OBSL1: variants seen among roughly 807,000 people sequenced by gnomAD.
OBSL1 encodes the protein obscurin like cytoskeletal adaptor 1.
Under a neutral mutation model 172.0 loss-of-function variants are expected in OBSL1, and 160 were observed. The observed-to-expected ratio is 0.93, with a 90% CI of 0.82 to 1.06. OBSL1 has a LOEUF of 1.06. Ranked by LOEUF, OBSL1 falls within the 50% of genes least tolerant of loss-of-function variation. OBSL1 has a pLI of 0.00. For synonymous variants in OBSL1, 1,200 were observed against 1,196.3 expected (o/e 1.00, Z -0.06); for missense variants, 2,681 against 2,715.4 (o/e 0.99, Z 0.28).
intron 1 of OBSL1, chr2:219,569,245 C>T (rs1304576762): frequency 6.6e-6 from 1 of 152,170 alleles, no homozygotes; most frequent in East Asian, 1.9e-4. Flanking sequence ...TCAGCACCAA[C>T]CTGATGAATC....
chr2:219,558,205 T>C lies in OBSL1; in HGVS notation c.3481A>G (p.Thr1161Ala), dbSNP rs1356712302. The C allele has an allele frequency of 6.2e-7, 1 of 1,608,370 alleles. No homozygotes were observed. Among genetic ancestry groups the C allele is most frequent in the East Asian group, 2.2e-5 (1 of 44,710 alleles). ...CCACCAGCCAGGATGACATTGAAGG[T>C]GATGGCCTCATGCCGGGTCTCACAC... is the stretch of plus-strand genomic sequence containing the variant. ...YVCETRHEAI[T>A]FNVILAEPPV... The change falls in exon 10 of 21, where the codon ACC (threonine) becomes GCC (alanine). Residue 1161 changes from threonine (T) to alanine (A), a missense_variant. Transcript: ENST00000404537.
At position 219,551,629 on chromosome 2, in the gene OBSL1, G is replaced by T. The variant is rs1334725292; in HGVS notation, c.5583C>A (p.Pro1861=). 4 of 1,611,634 alleles carry T rather than the reference G, an allele frequency of 2.5e-6. No individual in the cohort carries two copies. Among genetic ancestry groups the T allele is most frequent in the Non-Finnish European group, 3.4e-6 (4 of 1,179,040 alleles). The part of the protein sequence containing the change: ...GDKYEMRSHG[P]THSLVIHDVR... ...CGTCATGGATGACCAGGCTGTGGGT[G>T]GGGCCGTGGCTGCGCATCTCATACT... Residue 1861 remains proline, a synonymous_variant, in exon 20 of 21, where the codon CCC becomes CCA. Transcript: ENST00000404537.
rs761630345 is a variant in OBSL1, at chr2:219,558,225, T to C, written c.3461A>G (p.Glu1154Gly). The change falls in exon 10 of 21, where the codon GAG (glutamate) becomes GGG (glycine). Residue 1154 changes from glutamate to glycine, a missense_variant. Glu to Gly is a moderately conservative substitution (Grantham distance 98, BLOSUM62 -2). This residue lies in a region of OBSL1 where 1,765 missense variants were observed against 1,748.3 expected (regional missense o/e 1.01). Coordinates refer to ENST00000404537, the MANE Select transcript of OBSL1 (RefSeq NM_015311.3). ...GAAGGTGATGGCCTCATGCCGGGTC[T>C]CACACACATACTCCCCGGCGTCCTC... Reference protein sequence around the residue: ...QPEDAGEYVCETRHEAITFNV... With the variant: ...QPEDAGEYVCGTRHEAITFNV... 6.2e-7 allele frequency: 1 copy of C among 1,610,074 alleles called. No homozygotes were observed. The highest frequency in any genetic ancestry group is 8.5e-7 in the Non-Finnish European group (1 of 1,177,220).
rs199707413 is a variant in OBSL1, at chr2:219,553,620, A to G, written c.4943T>C (p.Phe1648Ser). ...LEVTEGDTAT[F>S]ECELSQALAD... Reference sequence around the variant, plus strand: ...CAAAGCTTGGGAAAGCTCGCACTCGAACGTAGCTGTGTCGCCCTCGGTCAC... The same window carrying G: ...CAAAGCTTGGGAAAGCTCGCACTCGGACGTAGCTGTGTCGCCCTCGGTCAC... The change falls in exon 16 of 21, where the codon TTC becomes TCC. Residue 1648 changes from phenylalanine to serine, a missense_variant. Around this residue, in one of 5 missense-constraint regions of OBSL1, gnomAD observed 1,765 missense variants for 1,748.3 expected, o/e 1.01. Coordinates refer to ENST00000404537, the MANE Select transcript of OBSL1 (RefSeq NM_015311.3). 5.6e-6 allele frequency: 9 copies of G among 1,613,842 alleles called. No individual in the cohort carries two copies. The African/African-American group carries it at 1.2e-4, about 22-fold the overall frequency.
At chr2:219,547,801 G>T (rs772421709), downstream of OBSL1, 1 of 1,591,812 alleles carries the variant, frequency 6.3e-7, no homozygotes, top group South Asian at 1.1e-5. Flanking sequence ...GGCTGTTGCT[G>T]GGGGGCGGCC....
chr2:219,568,998 C>T lies in OBSL1; in HGVS notation c.1013-674G>A, dbSNP rs916457502. On this transcript the variant is annotated intron_variant, in intron 1 of 20. Coordinates refer to ENST00000404537, the MANE Select transcript of OBSL1 (RefSeq NM_015311.3). This position sits in a 1 kb window ranked among gnomAD's most constrained non-coding sequence, Gnocchi z 4.1. The stretch of plus-strand genomic sequence containing the variant: ...TCCTGACCTCAAATGATCCGCCCAC[C>T]TTAGTCTCCCAAAGTGCTGGGATTA... 6.6e-6 allele frequency among the ~76,000 whole-genome samples: 1 copy of T among 151,664 alleles called. No homozygotes were observed. Among genetic ancestry groups the T allele is most frequent in the Admixed American group, 6.6e-5 (1 of 15,246 alleles).
Position 219,557,925 on chromosome 2 carries a change from G to A in OBSL1, c.3688C>T (p.Leu1230Phe), listed in dbSNP as rs1326852158. The change falls in exon 11 of 21, where the codon CTC (leucine) becomes TTC (phenylalanine). Residue 1230 changes from leucine to phenylalanine, a missense_variant. By Grantham distance (22) the Leu-to-Phe change is conservative (BLOSUM62 0). Coordinates refer to ENST00000404537, the MANE Select transcript of OBSL1 (RefSeq NM_015311.3). ...GCTGGGCCTGCAGCCTGGATGCAGA[G>A]GACTCGGCGGGGGCCCTCGGCATGG... ...ELHAEGPRRVLCIQAAGPAHA... is the reference protein window; with the variant it reads ...ELHAEGPRRVFCIQAAGPAHA... 6.2e-7 allele frequency: 1 copy of A among 1,606,090 alleles called. No homozygotes were observed. Among genetic ancestry groups the A allele is most frequent in the South Asian group, 1.1e-5 (1 of 91,028 alleles).
In OBSL1 at chr2:219,570,733, G is replaced by A. The variant is rs1422198272; in HGVS notation, c.500C>T (p.Ala167Val). 5 of 1,510,568 alleles carry A rather than the reference G, an allele frequency of 3.3e-6. No homozygotes were observed. The African/African-American group carries it at 7.2e-5, about 22-fold the overall frequency. The allele number at this position is 1,510,568 out of a possible 1,614,324, so 93.6% of individuals were successfully genotyped here. The part of the protein sequence containing the change: ...PTLYWEKDGM[A>V]LDEVWDSSHF... ...GCTGCTGTCCCACACTTCGTCCAGG[G>A]CCATCCCGTCCTTCTCCCAGTACAG... is the stretch of plus-strand genomic sequence containing the variant. Residue 167 changes from alanine (A) to valine (V), a missense_variant, in exon 1 of 21, where the codon GCC (alanine) becomes GTC (valine). Physicochemically the swap from Ala to Val is moderately conservative, Grantham distance 64. This residue lies in a region of OBSL1 where 706 missense variants were observed against 695.8 expected (regional missense o/e 1.01). Coordinates refer to ENST00000404537, the MANE Select transcript of OBSL1 (RefSeq NM_015311.3).
At chr2:219,560,686 C>T (rs1236404143) in intron 8 of OBSL1, among the ~76,000 whole-genome samples, 4 of 152,202 alleles carry the variant, frequency 2.6e-5, no homozygotes, top group African/African-American at 9.7e-5. Flanking sequence ...CTCAGCCCCC[C>T]AGCCTCCACG....
rs1696979610 is a variant in OBSL1, at chr2:219,567,313, G to A, written c.1797C>T (p.Gly599=). ...CGTGGAACACCACGTGGGGACTACG[G>A]CCATGTCCGCTGACTGTGCAGATGC... ...RFRICTVSGH[G]RSPHVVFHGS... The change falls in exon 4 of 21, where the codon GGC becomes GGT. Residue 599 remains glycine (G), a synonymous_variant. Coordinates refer to ENST00000404537, the MANE Select transcript of OBSL1 (RefSeq NM_015311.3). 6.2e-7 allele frequency: 1 copy of A among 1,605,226 alleles called. No individual in the cohort carries two copies. Among genetic ancestry groups the A allele is most frequent in the Non-Finnish European group, 8.5e-7 (1 of 1,173,244 alleles).
intron 20 of OBSL1, 68 bp from the exon 21 acceptor site, chr2:219,550,910 A>G: frequency 6.3e-7 from 1 of 1,582,484 alleles, no homozygotes; most frequent in Non-Finnish European, 8.6e-7. Context: ...CCCCTGGCAG[A>G]GCCTGGACAC....
In OBSL1 at chr2:219,551,973, CTG is replaced by C. The variant is rs370984030; in HGVS notation, c.5413+137_5413+138del. On this transcript the variant is annotated intron_variant, in intron 19 of 20. Coordinates refer to ENST00000404537, the MANE Select transcript of OBSL1 (RefSeq NM_015311.3). ...TCTTGCCGGGGAAACGCGCTGCCCT[CTG>C]TGACCCGGCCCAGGAGAGCCCCTCG... 1.3e-3 allele frequency: 1,337 copies of C among 998,292 alleles called. 16 individuals are homozygous for C. The African/African-American group carries it at 0.018, about 14-fold the overall frequency. 61.8% of individuals were successfully genotyped at this position (998,292 alleles called of 1,614,324 possible).
Position 219,565,375 on chromosome 2 carries a change from C to T in OBSL1, c.2274G>A (p.Glu758=), listed in dbSNP as rs1247624726. Residue 758 remains glutamate, a synonymous_variant, in exon 6 of 21, where the codon GAG becomes GAA. Coordinates refer to ENST00000404537, the MANE Select transcript of OBSL1 (RefSeq NM_015311.3). ...TWYKDGQKVE[E]SELLVVKMDG... is the part of the protein sequence containing the mutation. ...CCATCTTCACCACCAGCAACTCGCT[C>T]TCCTCCACCTTCTGCCCATCCTTGT... 6.2e-7 allele frequency: 1 copy of T among 1,613,964 alleles called. No homozygotes were observed. The highest frequency in any genetic ancestry group is 1.3e-5 in the African/African-American group (1 of 74,948).
downstream of OBSL1, chr2:219,549,906 G>C (rs1435364264): frequency 6.3e-7 from 1 of 1,585,568 alleles, no homozygotes; most frequent in Admixed American, 1.7e-5. Flanking sequence ...AGCTCGAGGA[G>C]GCCTGCTAGG....
intron 6 of OBSL1, among the ~76,000 whole-genome samples, chr2:219,564,378 C>T (rs181639722): frequency 7.2e-4 from 110 of 152,338 alleles, no homozygotes; most frequent in Middle Eastern, 3.4e-3. Context: ...CTGTGTGTGT[C>T]GCCAAGCTAT....
chr2:219,568,207 T>G lies in OBSL1; in HGVS notation c.1130A>C (p.Asp377Ala). ...SRIPTAWFREDQRLLPCRKYE... is the reference protein window; with the variant it reads ...SRIPTAWFREAQRLLPCRKYE... ...CTTGCGGCAGGGCAGCAGCCGCTGG[T>G]CCTCACGGAACCAGGCCGTGGGGAT... Residue 377 changes from aspartate (D) to alanine (A), a missense_variant, in exon 2 of 21, where the codon GAC becomes GCC. Transcript: ENST00000404537. The surrounding 1 kb of genome is among the most constrained non-coding windows in gnomAD (Gnocchi z 4.1). 1 of 1,613,626 alleles carries G rather than the reference T, an allele frequency of 6.2e-7. No homozygotes were observed. Among genetic ancestry groups the G allele is most frequent in the Non-Finnish European group, 8.5e-7 (1 of 1,179,878 alleles).
intron 1 of OBSL1, among the ~76,000 whole-genome samples, chr2:219,569,008 C>T (rs760654414): frequency 7.3e-5 from 11 of 150,512 alleles, no homozygotes; most frequent in Non-Finnish European, 1.5e-4. Context: ...CTTAGTCTCC[C>T]AAAGTGCTGG....
At chr2:219,563,182 G>A (rs1325755444) in intron 7 of OBSL1, 173 bp downstream of exon 7, 5 of 651,684 alleles carry the variant, frequency 7.7e-6, no homozygotes, top group East Asian at 2.8e-5. Context: ...ATGATAACAC[G>A]TTTCCTGAAT....
At chr2:219,551,999 CG>C in intron 19 of OBSL1, 112 bp downstream of exon 19, 1 of 1,162,172 alleles carries the variant, frequency 8.6e-7, no homozygotes, top group Non-Finnish European at 1.3e-6. Context: ...GAGAGCCCCT[CG>C]GGGGGAAGGG....
Sources: allele counts gnomAD v4.1 joint callset (sites outside exome capture counted in the v4.1 genomes callset), GRCh38; gene constraint gnomAD v4.1.1; regional missense constraint gnomAD v4.1.1; non-coding constraint Gnocchi (gnomAD v3.1); transcripts MANE v1.5; gene names NCBI Gene and HGNC (gene_info 2026-07-23, HGNC 2026-07-21).